Variants in CCDC92 observed in about 807,000 individuals in gnomAD.
The protein encoded by CCDC92 is coiled-coil domain containing 92.
In CCDC92, 12 loss-of-function variants were observed where a neutral mutation model predicts 24.9. The observed-to-expected ratio is 0.48, with a 90% CI of 0.31 to 0.78. CCDC92 has a LOEUF of 0.78. Among genes scored for constraint, CCDC92 ranks in the 30% least tolerant of loss-of-function variants. The pLI, the probability that CCDC92 is intolerant of heterozygous loss-of-function variation, is 0.05. For missense variants in CCDC92, 399 were observed against 439.4 expected (o/e 0.91, Z 0.82); for synonymous variants, 193 against 196.3 (o/e 0.98, Z 0.14).
chr12:123,958,829 C>T (rs1447767450), intron 1 of CCDC92, among the ~76,000 whole-genome samples: 1 of 152,146 alleles, frequency 6.6e-6, no homozygotes, highest in Non-Finnish European at 1.5e-5. Context: ...TTGTAGTTTC[C>T]TCTGCCCTTT....
rs369575867 is a variant in CCDC92, at chr12:123,966,117, G to T, written c.-60+6412C>A. 107 of 152,312 alleles carry T rather than the reference G, an allele frequency of 7.0e-4. 1 individual carries two copies. The highest frequency in any genetic ancestry group is 2.3e-3 in the African/African-American group (97 of 41,558). 9.4% of individuals were successfully genotyped at this position (152,312 alleles called of 1,614,324 possible). On this transcript the variant is annotated intron_variant, in intron 1 of 4. Transcript: ENST00000238156. ...TATTTCCAGATTTGGTACATTAAGT[G>T]TGTCTATTTGTAACAGGAGTCCATC...
At chr12:123,971,431 A>AG (rs1018830716) in intron 1 of CCDC92, 6 of 152,106 alleles carry the variant, frequency 3.9e-5, no homozygotes, top group African/African-American at 1.4e-4. Flanking sequence ...AAAAAAAAAA[A>AG]AAAAGAAAAG....
At chr12:123,955,978 G>A (rs1305550362) in intron 1 of CCDC92, among the ~76,000 whole-genome samples, 1 of 152,214 alleles carries the variant, frequency 6.6e-6, no homozygotes, top group East Asian at 1.9e-4. Context: ...ATTTAGCTAT[G>A]CATCAAGCAA....
chr12:123,940,627 C>G (rs1035720110), intron 4 of CCDC92, among the ~76,000 whole-genome samples: 4 of 152,244 alleles, frequency 2.6e-5, no homozygotes, highest in Non-Finnish European at 5.9e-5. Flanking sequence ...TACGTACCCC[C>G]TTTCTGGAAA....
rs796641830 is a variant in CCDC92 at position 123,954,189 on chromosome 12, G to A, written c.-59-9825C>T. On this transcript the variant is annotated intron_variant, in intron 1 of 4. Coordinates refer to ENST00000238156, the MANE Select transcript of CCDC92 (RefSeq NM_025140.3). ...AGGGTAATCTTGGATTGCTAAAATT[G>A]TGATTGGTTTACCATCACCAAGAAT... Among the ~76,000 whole-genome samples, 3 of 152,100 alleles carry A rather than the reference G, an allele frequency of 2.0e-5. No homozygotes were observed. The East Asian group carries it at 5.8e-4, about 29-fold the overall frequency.
chr12:123,944,574 G>A (rs1480202342), intron 1 of CCDC92: 3 of 411,946 alleles, frequency 7.3e-6, no homozygotes, highest in Non-Finnish European at 1.3e-5. Flanking sequence ...TGCTTCAGAC[G>A]ACACCAATTG....
intron 1 of CCDC92, among the ~76,000 whole-genome samples, chr12:123,949,378 T>G (rs888368364): frequency 1.3e-5 from 2 of 152,250 alleles, no homozygotes; most frequent in African/African-American, 4.8e-5. Context: ...CAGTATTTGC[T>G]CAACCAAAGG....
chr12:123,963,069 C>T (rs544756727), intron 1 of CCDC92, among the ~76,000 whole-genome samples: 128 of 152,152 alleles, frequency 8.4e-4, no homozygotes, highest in Non-Finnish European at 1.5e-3. Context: ...CTGTCATGAG[C>T]GTGTGGGTGG....
At chr12:123,951,223 C>T (rs896126844) in intron 1 of CCDC92, among the ~76,000 whole-genome samples, 3 of 152,008 alleles carry the variant, frequency 2.0e-5, no homozygotes, top group South Asian at 2.1e-4. Context: ...AACTACACTG[C>T]GTTCGTCAAA....
At chr12:123,944,642 C>G (rs1031733775) in intron 1 of CCDC92, 1 of 241,454 alleles carries the variant, frequency 4.1e-6, no homozygotes, top group African/African-American at 2.2e-5. Flanking sequence ...GGAGCTAGGA[C>G]GAGTTCATAA....
chr12:123,937,973 T>C lies in CCDC92; in HGVS notation c.224-143A>G, dbSNP rs1445306105. On this transcript the variant is annotated intron_variant, in intron 4 of 4. Coordinates refer to ENST00000238156, the MANE Select transcript of CCDC92 (RefSeq NM_025140.3). The surrounding 1 kb of genome is among the most constrained non-coding windows in gnomAD (Gnocchi z 8.4). Reference sequence around the variant, plus strand: ...GCAGAAGGCAGGGCTGTGGGGGCTCTGGAAAGACCCCTCCCCTCCCCGAGG... The same window carrying C: ...GCAGAAGGCAGGGCTGTGGGGGCTCCGGAAAGACCCCTCCCCTCCCCGAGG... The C allele has an allele frequency of 4.9e-6, 4 of 808,566 alleles. No individual in the cohort carries two copies. Among genetic ancestry groups the C allele is most frequent in the Non-Finnish European group, 7.7e-6 (4 of 519,364 alleles). 50.1% of individuals were successfully genotyped at this position (808,566 alleles called of 1,614,324 possible).
intron 1 of CCDC92, among the ~76,000 whole-genome samples, chr12:123,953,585 T>C (rs983338026): frequency 6.6e-6 from 1 of 152,168 alleles, no homozygotes; most frequent in Non-Finnish European, 1.5e-5. Flanking sequence ...GAAACCATCC[T>C]GGCTAACATG....
chr12:123,944,849 T>G (rs562903191), intron 1 of CCDC92: 38 of 151,098 alleles, frequency 2.5e-4, no homozygotes, highest in African/African-American at 8.5e-4. Context: ...GCCCTTTCAG[T>G]TGGGGACAAA....
intron 1 of CCDC92, among the ~76,000 whole-genome samples, chr12:123,960,528 T>C (rs1218743976): frequency 2.0e-5 from 3 of 152,314 alleles, no homozygotes; most frequent in Non-Finnish European, 4.4e-5. Context: ...GAACTGTCAA[T>C]GCTGAGCCTG....
intron 1 of CCDC92, among the ~76,000 whole-genome samples, chr12:123,961,776 T>C (rs1370258920): frequency 6.6e-6 from 1 of 152,096 alleles, no homozygotes; most frequent in Non-Finnish European, 1.5e-5. Flanking sequence ...GCTACGTACT[T>C]GATCAACACT....
At chr12:123,962,678 G>C (rs1250147580) in intron 1 of CCDC92, 2 of 153,742 alleles carry the variant, frequency 1.3e-5, no homozygotes, top group Non-Finnish European at 2.9e-5. Flanking sequence ...GACTCTGTGT[G>C]AGACATAACA....
rs1230413255 is a variant in CCDC92, at chr12:123,936,099, G to A, written c.*959C>T. 1 of 152,516 alleles carries A rather than the reference G, an allele frequency of 6.6e-6. No homozygotes were observed. The highest frequency in any genetic ancestry group is 6.5e-5 in the Admixed American group (1 of 15,302). 9.4% of individuals were successfully genotyped at this position (152,516 alleles called of 1,614,324 possible). The stretch of plus-strand genomic sequence containing the variant: ...GGACACAGAACCTCCAGGACCAGTG[G>A]TCACTGGGCACCCCTTCCCTCTGTG... On this transcript the variant is annotated 3_prime_UTR_variant, in exon 5 of 5. Coordinates refer to ENST00000238156, the MANE Select transcript of CCDC92 (RefSeq NM_025140.3).
intron 1 of CCDC92, chr12:123,946,077 GA>G (rs1199239156): frequency 6.1e-5 from 1 of 16,392 alleles, no homozygotes; most frequent in African/African-American, 2.0e-4. Context: ...CTCCGCTGCT[GA>G]GGCCGTCCTC....
intron 1 of CCDC92, among the ~76,000 whole-genome samples, chr12:123,960,390 A>G (rs1956245291): frequency 6.6e-6 from 1 of 152,250 alleles, no homozygotes; most frequent in Non-Finnish European, 1.5e-5. Context: ...CAAGCCACCT[A>G]AAAATGTTCA....
Sources: gnomAD v4.1 joint callset for allele counts (sites outside exome capture counted in the v4.1 genomes callset) on GRCh38, gnomAD v4.1.1 for gene constraint, Gnocchi (gnomAD v3.1) non-coding constraint, MANE v1.5 for transcripts, NCBI Gene and HGNC (gene_info 2026-07-23, HGNC 2026-07-21) for gene names.